Variants in KIF1B observed in about 807,000 individuals in gnomAD.
The protein encoded by KIF1B is kinesin family member 1B.
A neutral mutation model predicts 241.9 loss-of-function variants in KIF1B; 76 were observed. That is an observed-to-expected ratio of 0.31 (90% CI 0.26 to 0.38). The LOEUF is 0.38. KIF1B is among the 10% of genes least tolerant of loss of function. KIF1B has a pLI of 1.00. For missense variants in KIF1B, 1,622 were observed against 2,271.4 expected (o/e 0.71, Z 5.81); for synonymous variants, 750 against 796.7 (o/e 0.94, Z 0.99).
In KIF1B at chr1:10,295,744, T is replaced by A. The variant is rs771291092; in HGVS notation, c.1755T>A (p.Ser585Arg). ...HIKEEHCIFR[S>R]ERSNSGEVIV... ...AAGAAGAGCATTGTATCTTCCGGAG[T>A]GAGAGAAGCAACAGCGGGGAAGGTG... The change falls in exon 19 of 49, where the codon AGT (serine) becomes AGA (arginine). Residue 585 changes from serine (S) to arginine (R), a missense_variant. Ser to Arg is a moderately radical substitution (Grantham distance 110). Around this residue, in one of 7 missense-constraint regions of KIF1B, gnomAD observed 44 missense variants for 28.6 expected, o/e 1.54. Coordinates refer to ENST00000676179, the MANE Select transcript of KIF1B (RefSeq NM_001365951.3). The A allele has an allele frequency of 2.5e-6, 4 of 1,613,668 alleles. No individual in the cohort carries two copies. The South Asian group carries it at 4.4e-5, about 18-fold the overall frequency.
At chr1:10,333,589 G>A (rs1652043137) in intron 27 of KIF1B, among the ~76,000 whole-genome samples, 1 of 151,992 alleles carries the variant, frequency 6.6e-6, no homozygotes, top group Admixed American at 6.6e-5. Context: ...GTACTCGGGA[G>A]GCTGAGGCAG....
intron 1 of KIF1B, among the ~76,000 whole-genome samples, chr1:10,220,207 A>G (rs957197272): frequency 6.6e-6 from 1 of 150,914 alleles, no homozygotes; most frequent in Non-Finnish European, 1.5e-5. Flanking sequence ...TCCGTCTCAA[A>G]AAAAAAAAAA....
At chr1:10,233,386 C>T (rs1252663476) in intron 2 of KIF1B, among the ~76,000 whole-genome samples, 3 of 152,020 alleles carry the variant, frequency 2.0e-5, no homozygotes, top group Non-Finnish European at 4.4e-5. Context: ...GAGGCTAGGG[C>T]AGGAGGATTA....
At chr1:10,353,325 A>G (rs1465976891) in intron 38 of KIF1B, among the ~76,000 whole-genome samples, 1 of 152,178 alleles carries the variant, frequency 6.6e-6, no homozygotes, top group African/African-American at 2.4e-5. Context: ...TTTGTTTTTT[A>G]TTTTAAATGT....
intron 40 of KIF1B, 38 bp from the exon 41 acceptor site, chr1:10,363,245 T>C: frequency 4.6e-6 from 7 of 1,531,468 alleles, no homozygotes; most frequent in Non-Finnish European, 6.3e-6. Flanking sequence ...TTTTTGTGCT[T>C]TAAGAGATTA....
In KIF1B at chr1:10,210,593, A is replaced by G. The variant is rs1337135037; in HGVS notation, c.-365A>G. 7.9e-5 allele frequency among the ~76,000 whole-genome samples: 12 copies of G among 151,872 alleles called. No individual in the cohort carries two copies. The highest frequency in any genetic ancestry group is 1.6e-4 in the Non-Finnish European group (11 of 67,948). ...GCAGTGTGACGGCAGCGGTCCTGGG[A>G]GGCGCCCGCGCGCGTCGGAGCAGCT... On this transcript the variant is annotated 5_prime_UTR_variant, in exon 1 of 49. Transcript: ENST00000676179. The surrounding 1 kb of genome is among the most constrained non-coding windows in gnomAD (Gnocchi z 4.1).
At chr1:10,291,716 A>G (rs1450236671) in intron 16 of KIF1B, among the ~76,000 whole-genome samples, 1 of 152,084 alleles carries the variant, frequency 6.6e-6, no homozygotes, top group Non-Finnish European at 1.5e-5. Flanking sequence ...TCTCAAAAAA[A>G]AAAAAAAGGA....
chr1:10,348,621 T>C (rs1652674265), intron 36 of KIF1B, 28 bp from the exon 37 acceptor site: 2 of 1,591,196 alleles, frequency 1.3e-6, no homozygotes. Context: ...TTGCTTCAGC[T>C]AAATTGCAAC....
chr1:10,262,620 C>A (rs1200737848), intron 5 of KIF1B, among the ~76,000 whole-genome samples: 1 of 152,086 alleles, frequency 6.6e-6, no homozygotes, highest in East Asian at 1.9e-4. Context: ...TGTGCCCTTG[C>A]CAACATTTTT....
chr1:10,372,694 A>G (rs568665846), intron 45 of KIF1B, among the ~76,000 whole-genome samples: 3 of 127,490 alleles, frequency 2.4e-5, no homozygotes, highest in Admixed American at 7.6e-5. Flanking sequence ...CAGCGGCGCA[A>G]TCTCGGCTCA....
chr1:10,235,933 A>G (rs1647045626), intron 2 of KIF1B, among the ~76,000 whole-genome samples: 1 of 151,230 alleles, frequency 6.6e-6, no homozygotes, highest in Non-Finnish European at 1.5e-5. Flanking sequence ...TATTGATGAT[A>G]TTCCATTTAA....
intron 4 of KIF1B, among the ~76,000 whole-genome samples, chr1:10,261,461 C>T (rs1481456231): frequency 6.6e-6 from 1 of 151,790 alleles, no homozygotes; most frequent in East Asian, 1.9e-4. Context: ...CCAAGATGTT[C>T]TCGATCTCCT....
intron 2 of KIF1B, among the ~76,000 whole-genome samples, chr1:10,250,339 A>G (rs1277712902): frequency 6.9e-6 from 1 of 145,786 alleles, no homozygotes; most frequent in Non-Finnish European, 1.5e-5. Flanking sequence ...AGTATTTCTT[A>G]ACTTTTTTTT....
intron 22 of KIF1B, among the ~76,000 whole-genome samples, chr1:10,302,853 C>T (rs781062503): frequency 6.6e-6 from 1 of 152,140 alleles, no homozygotes; most frequent in African/African-American, 2.4e-5. Flanking sequence ...CATACTCATC[C>T]CTGTTGTCAA....
At chr1:10,304,531 TC>T (rs1205720754) in intron 22 of KIF1B, 5 of 1,613,978 alleles carry the variant, frequency 3.1e-6, no homozygotes, top group Non-Finnish European at 4.2e-6. Context: ...TGCAGCCACT[TC>T]CTATCAGAAG....
At chr1:10,248,349 G>A (rs760500116) in intron 2 of KIF1B, among the ~76,000 whole-genome samples, 2 of 151,920 alleles carry the variant, frequency 1.3e-5, no homozygotes, top group African/African-American at 4.8e-5. Flanking sequence ...ACAGGCGCAC[G>A]CTACCATACT....
At chr1:10,229,891 A>G (rs990804818) in intron 1 of KIF1B, among the ~76,000 whole-genome samples, 8 of 149,964 alleles carry the variant, frequency 5.3e-5, no homozygotes, top group South Asian at 2.1e-4. Flanking sequence ...AAAAAAAAAA[A>G]AAAAGAAAAG....
At chr1:10,305,476 T>C in intron 22 of KIF1B, 1 of 1,059,608 alleles carries the variant, frequency 9.4e-7, no homozygotes, top group Non-Finnish European at 1.1e-6. Context: ...AAAAAACTTG[T>C]GTAGCTTGTA....
At chr1:10,266,603 C>T (rs563755626) in intron 5 of KIF1B, among the ~76,000 whole-genome samples, 6 of 152,162 alleles carry the variant, frequency 3.9e-5, no homozygotes, top group African/African-American at 7.2e-5. Flanking sequence ...TAGCATCACC[C>T]GTCTGTTTTG....
Sources: allele counts gnomAD v4.1 joint callset (sites outside exome capture counted in the v4.1 genomes callset), GRCh38; gene constraint gnomAD v4.1.1; regional missense constraint gnomAD v4.1.1; non-coding constraint Gnocchi (gnomAD v3.1); transcripts MANE v1.5; gene names NCBI Gene and HGNC (gene_info 2026-07-23, HGNC 2026-07-21).